SULT1E1: variants seen among roughly 807,000 people sequenced by gnomAD.
The protein encoded by SULT1E1 is sulfotransferase 1E1.
SULT1E1 carries 36 observed loss-of-function variants against 33.6 expected under a neutral mutation model. The observed-to-expected ratio is 1.07, with a 90% CI of 0.82 to 1.41. The LOEUF is 1.41. Among genes scored for constraint, SULT1E1 ranks in the 40% most tolerant of loss-of-function variants. The pLI, the probability that SULT1E1 is intolerant of heterozygous loss-of-function variation, is 0.00. For synonymous variants in SULT1E1, 121 were observed against 111.7 expected, an observed-to-expected ratio of 1.08 and a Z score of -0.53; for missense variants, 371 against 345.7, an observed-to-expected ratio of 1.07 and a Z score of -0.58.
At chr4:69,824,159 TACCTGG>T in the SULT1E1 span, among the ~76,000 whole-genome samples, 1 of 152,196 alleles carries the variant, frequency 6.6e-6, no homozygotes, top group Non-Finnish European at 1.5e-5. Flanking sequence ...CTGAGTGCGG[TACCTGG>T]ATTGTCAGTT....
chr4:69,841,381 A>G lies in SULT1E1; in HGVS notation c.*613T>C, dbSNP rs1477508654. ...AAATTTAAGAGATGATAGTAGGAAA[A>G]AAAAGTTTCTTATTTCTCATATGCA... On this transcript the variant is annotated 3_prime_UTR_variant, in exon 8 of 8. Coordinates refer to ENST00000226444, the MANE Select transcript of SULT1E1 (RefSeq NM_005420.3). 1 of 152,154 alleles carries G rather than the reference A, an allele frequency of 6.6e-6. No individual in the cohort carries two copies. The highest frequency in any genetic ancestry group is 6.5e-5 in the Admixed American group (1 of 15,276). The allele number at this position is 152,154 out of a possible 1,614,324, so 9.4% of individuals were successfully genotyped here. A position where few individuals can be genotyped will look rare whatever the true frequency, so the allele number is the denominator to read the frequency against.
At chr4:69,823,946 G>T in the SULT1E1 span, among the ~76,000 whole-genome samples, 93 of 152,210 alleles carry the variant, frequency 6.1e-4, 1 homozygote, top group Non-Finnish European at 1.2e-3. Flanking sequence ...AATCTCTCTG[G>T]CTTGAGAACA....
At chr4:69,854,008 A>G (rs1321137118) in intron 4 of SULT1E1, among the ~76,000 whole-genome samples, 3 of 152,152 alleles carry the variant, frequency 2.0e-5, no homozygotes, top group African/African-American at 7.2e-5. Context: ...TAGGGAGTCT[A>G]ACTGGACTTT....
chr4:69,855,017 TATC>T (rs1304201104), intron 3 of SULT1E1, among the ~76,000 whole-genome samples: 3 of 152,084 alleles, frequency 2.0e-5, no homozygotes, highest in African/African-American at 7.2e-5. Flanking sequence ...ATATTTAAAA[TATC>T]ATCACATTTA....
intron 4 of SULT1E1, among the ~76,000 whole-genome samples, chr4:69,851,516 A>G (rs907585792): frequency 6.6e-6 from 1 of 152,184 alleles, no homozygotes; most frequent in African/African-American, 2.4e-5. Context: ...ACACTTTTAC[A>G]CTGTTGATGG....
the SULT1E1 span, among the ~76,000 whole-genome samples, chr4:69,830,738 A>G: frequency 6.6e-6 from 1 of 152,170 alleles, no homozygotes; most frequent in African/African-American, 2.4e-5. Context: ...ACTCTTCCAT[A>G]TTAAACAGTG....
chr4:69,854,868 A>G (rs1198545450), intron 3 of SULT1E1, among the ~76,000 whole-genome samples: 1 of 152,056 alleles, frequency 6.6e-6, no homozygotes, highest in African/African-American at 2.4e-5. Flanking sequence ...TAATGATTTT[A>G]TAGTGTTATT....
chr4:69,848,355 C>T (rs1721024586), intron 5 of SULT1E1, among the ~76,000 whole-genome samples: 1 of 151,700 alleles, frequency 6.6e-6, no homozygotes, highest in Non-Finnish European at 1.5e-5. Context: ...TGTAATATAA[C>T]CAAATGCTGT....
chr4:69,832,577 G>T, the SULT1E1 span, among the ~76,000 whole-genome samples: 3 of 152,134 alleles, frequency 2.0e-5, no homozygotes, highest in Non-Finnish European at 4.4e-5. Context: ...GCTATGCCAG[G>T]CATATAACTC....
At chr4:69,855,210 C>T (rs373022517) in intron 3 of SULT1E1, 91 bp downstream of exon 3, 28 of 1,343,202 alleles carry the variant, frequency 2.1e-5, no homozygotes, top group Non-Finnish European at 2.6e-5. Context: ...ATACTAATTG[C>T]CATTCTTGCT....
chr4:69,845,042 C>T (rs540100926), intron 6 of SULT1E1, among the ~76,000 whole-genome samples: 4 of 152,070 alleles, frequency 2.6e-5, no homozygotes, highest in Non-Finnish European at 4.4e-5. Context: ...AGGATAATAT[C>T]CTTGGCTATT....
the SULT1E1 span, among the ~76,000 whole-genome samples, chr4:69,831,469 C>T: frequency 2.0e-5 from 3 of 152,248 alleles, no homozygotes; most frequent in South Asian, 2.1e-4. Flanking sequence ...CTTAAATGCC[C>T]GGCCTATTGT....
intron 4 of SULT1E1, among the ~76,000 whole-genome samples, 194 bp from the exon 5 acceptor site, chr4:69,849,757 G>T (rs910838149): frequency 7.2e-5 from 11 of 151,904 alleles, no homozygotes; most frequent in Admixed American, 3.9e-4. Flanking sequence ...TTGTAGTGTT[G>T]TTCTCTTTGT....
At chr4:69,823,736 G>A in the SULT1E1 span, among the ~76,000 whole-genome samples, 2 of 152,244 alleles carry the variant, frequency 1.3e-5, no homozygotes, top group African/African-American at 4.8e-5. Context: ...TTGCCTTTCG[G>A]TCTTTTGCTA....
At chr4:69,844,453 G>A in intron 6 of SULT1E1, 112 bp from the exon 7 acceptor site, 1 of 773,006 alleles carries the variant, frequency 1.3e-6, no homozygotes, top group East Asian at 3.0e-5. Flanking sequence ...ATTAGAATTA[G>A]ATTTCTAATG....
intron 3 of SULT1E1, 130 bp from the exon 4 acceptor site, chr4:69,854,444 A>T: frequency 5.0e-6 from 3 of 596,804 alleles, no homozygotes; most frequent in Non-Finnish European, 8.2e-6. Context: ...TGTAACACAA[A>T]GTATAAATTC....
chr4:69,848,459 G>T (rs772507547), intron 5 of SULT1E1, among the ~76,000 whole-genome samples: 25 of 151,788 alleles, frequency 1.6e-4, no homozygotes, highest in African/African-American at 5.8e-4. Flanking sequence ...TGAGTCAAAA[G>T]GTTCTGCTTT....
the SULT1E1 span, among the ~76,000 whole-genome samples, chr4:69,825,498 A>G: frequency 6.6e-6 from 1 of 152,178 alleles, no homozygotes; most frequent in Non-Finnish European, 1.5e-5. Flanking sequence ...TCGGGGGCTA[A>G]ATACCAGGCA....
chr4:69,845,580 CAT>C (rs572389312), intron 6 of SULT1E1, among the ~76,000 whole-genome samples: 70 of 151,222 alleles, frequency 4.6e-4, no homozygotes, highest in African/African-American at 1.6e-3. Flanking sequence ...TATATACAGA[CAT>C]ATGTGTATAT....
Sources: gnomAD v4.1 joint callset for allele counts (sites outside exome capture counted in the v4.1 genomes callset) on GRCh38, gnomAD v4.1.1 for gene constraint, MANE v1.5 for transcripts, NCBI Gene and HGNC (gene_info 2026-07-23, HGNC 2026-07-21) for gene names.